STX16: variants seen among roughly 807,000 people sequenced by gnomAD.
The protein encoded by STX16 is syntaxin 16, also known as syntaxin-16.
STX16 carries 28 observed loss-of-function variants against 42.7 expected under a neutral mutation model. The observed-to-expected ratio is 0.66, with a 90% CI of 0.49 to 0.90. STX16 has a LOEUF of 0.90. STX16 is among the 40% of genes least tolerant of loss of function. The probability of loss-of-function intolerance (pLI) is 0.00; values close to 1 mark genes in which losing one functional copy is unlikely to be tolerated. For missense variants in STX16, 361 were observed against 420.9 expected (o/e 0.86, Z 1.24); for synonymous variants, 156 against 155.2 (o/e 1.00, Z -0.04).
intron 2 of STX16, among the ~76,000 whole-genome samples, chr20:58,665,256 T>A (rs2083794464): frequency 6.6e-6 from 1 of 152,230 alleles, no homozygotes. Context: ...GAGAGGATGA[T>A]CTTTACTGAC....
intron 6 of STX16, 45 bp from the exon 7 acceptor site, chr20:58,671,109 A>G (rs1051444442): frequency 6.5e-7 from 1 of 1,546,604 alleles, no homozygotes; most frequent in South Asian, 1.2e-5. Context: ...AGCTTTCCTG[A>G]GAGGGAAAAC....
At chr20:58,671,890 T>C (rs2083986429) in intron 7 of STX16, among the ~76,000 whole-genome samples, 1 of 152,140 alleles carries the variant, frequency 6.6e-6, no homozygotes, top group African/African-American at 2.4e-5. Flanking sequence ...TATATATACA[T>C]AGCAATCCTA....
rs932317319 is a variant in STX16 at position 58,667,566 on chromosome 20, C to T, written c.221C>T (p.Pro74Leu). Residue 74 changes from proline to leucine, a missense_variant, in exon 3 of 9, where the codon CCA becomes CTA. Pro to Leu is a moderately conservative substitution (Grantham distance 98). Transcript: ENST00000371141. ...GCAGCGATTGGTGTGACAAAACGGC[C>T]ACCTCCTAAGTGGGTGGATGGAGTG... ...PEAAIGVTKR[P>L]PPKWVDGVDE... The T allele has an allele frequency of 3.7e-6, 6 of 1,614,126 alleles. No homozygotes were observed. Among genetic ancestry groups the T allele is most frequent in the Non-Finnish European group, 5.1e-6 (6 of 1,180,034 alleles).
At chr20:58,673,153 C>T (rs1568829445) in intron 7 of STX16, among the ~76,000 whole-genome samples, 2 of 152,146 alleles carry the variant, frequency 1.3e-5, no homozygotes, top group Non-Finnish European at 2.9e-5. Context: ...CCTGCTCTGA[C>T]CCATAGAGAT....
chr20:58,659,661 GT>G (rs754201447), intron 2 of STX16, 27 bp downstream of exon 2: 1 of 1,611,012 alleles, frequency 6.2e-7, no homozygotes. Context: ...ATTTTTATAT[GT>G]TGGGTAATTT....
At chr20:58,652,761 C>T (rs975570463) in intron 1 of STX16, among the ~76,000 whole-genome samples, 1 of 152,128 alleles carries the variant, frequency 6.6e-6, no homozygotes, top group African/African-American at 2.4e-5. Flanking sequence ...CTAGCCTCTT[C>T]ACTTTCCATT....
intron 7 of STX16, among the ~76,000 whole-genome samples, chr20:58,671,687 C>T (rs1009406881): frequency 3.9e-5 from 6 of 151,990 alleles, no homozygotes; most frequent in Non-Finnish European, 7.4e-5. Context: ...CCCTCTGACT[C>T]TAGTGTTCTC....
intron 2 of STX16, among the ~76,000 whole-genome samples, chr20:58,663,920 C>T (rs2083758763): frequency 1.3e-5 from 2 of 152,172 alleles, no homozygotes; most frequent in Admixed American, 6.5e-5. Context: ...TCAGGCAATC[C>T]GCCTGCCTCA....
In STX16 at chr20:58,670,601, C is replaced by G. The variant is rs770123369; in HGVS notation, c.646C>G (p.Arg216Gly). Reference protein sequence around the residue: ...DDGDDNTLYHRGFTEDQLVLV... With the variant: ...DDGDDNTLYHGGFTEDQLVLV... ...TGGAGACGATAACACTCTTTACCAT[C>G]GGGTACGTGAACGGGCTGCAAAGCT... The change falls in exon 6 of 9, where the codon CGG (arginine) becomes GGG (glycine). Residue 216 changes from arginine to glycine, a missense_variant and splice_region_variant. By Grantham distance (125) the Arg-to-Gly change is moderately radical (BLOSUM62 -2). Coordinates refer to ENST00000371141, the MANE Select transcript of STX16 (RefSeq NM_001001433.3). The G allele has an allele frequency of 4.3e-6, 7 of 1,613,670 alleles. No homozygotes were observed. Among genetic ancestry groups the G allele is most frequent in the Non-Finnish European group, 5.9e-6 (7 of 1,179,612 alleles).
In STX16 at chr20:58,669,281, G is replaced by C; in HGVS notation, c.394-10G>C. 6.2e-7 allele frequency: 1 copy of C among 1,609,298 alleles called. No homozygotes were observed. Among genetic ancestry groups the C allele is most frequent in the Non-Finnish European group, 8.5e-7 (1 of 1,179,532 alleles). ...CAGGCTTGCCCTGAGCCTCGGGCTT[G>C]TTCTCTTAGCTCTTCCACAGGTGCC... On this transcript the variant is annotated splice_polypyrimidine_tract_variant and intron_variant, in intron 4 of 8. Coordinates refer to ENST00000371141, the MANE Select transcript of STX16 (RefSeq NM_001001433.3).
chr20:58,668,137 G>A lies in STX16; in HGVS notation c.393+10G>A, dbSNP rs1268646842. On this transcript the variant is annotated intron_variant, in intron 4 of 8. Transcript: ENST00000371141. ...CCAAGAGATCACTCAGGTGAGGAGT[G>A]CAAGTGAGTCCTGGGGAAACCAGCG... 1.9e-6 allele frequency: 3 copies of A among 1,613,952 alleles called. No homozygotes were observed. In the African/African-American group the frequency reaches 4.0e-5, roughly 22 times the overall value.
intron 2 of STX16, among the ~76,000 whole-genome samples, chr20:58,662,633 C>T (rs1476531079): frequency 6.6e-6 from 1 of 152,176 alleles, no homozygotes; most frequent in Non-Finnish European, 1.5e-5. Context: ...GCCTCAGCCT[C>T]CTGAGTAGCT....
chr20:58,675,254 C>T (rs2084081210), intron 8 of STX16, among the ~76,000 whole-genome samples: 1 of 152,182 alleles, frequency 6.6e-6, no homozygotes, highest in Non-Finnish European at 1.5e-5. Flanking sequence ...ACAAGCCCAC[C>T]GCGGGGGATG....
At chr20:58,653,489 C>A (rs1178324688) in intron 1 of STX16, among the ~76,000 whole-genome samples, 1 of 152,048 alleles carries the variant, frequency 6.6e-6, no homozygotes, top group Non-Finnish European at 1.5e-5. Flanking sequence ...TGTGAGATTT[C>A]AGTTAATTAA....
At chr20:58,664,726 T>G (rs2083776558) in intron 2 of STX16, among the ~76,000 whole-genome samples, 1 of 152,246 alleles carries the variant, frequency 6.6e-6, no homozygotes, top group Non-Finnish European at 1.5e-5. Context: ...GATAAAATGA[T>G]ACTAATCCCA....
Position 58,668,119 on chromosome 20 carries a change from A to T in STX16, c.385A>T (p.Ile129Phe). The T allele has an allele frequency of 6.2e-7, 1 of 1,614,256 alleles. No individual in the cohort carries two copies. Among genetic ancestry groups the T allele is most frequent in the Non-Finnish European group, 8.5e-7 (1 of 1,180,040 alleles). ...EHAIEITTQE[I>F]TQLFHRCQRA... ...TGCCATTGAGATAACTACCCAAGAG[A>T]TCACTCAGGTGAGGAGTGCAAGTGA... Residue 129 changes from isoleucine to phenylalanine, a missense_variant, in exon 4 of 9, where the codon ATC becomes TTC. Physicochemically the swap from Ile to Phe is conservative, Grantham distance 21. Transcript: ENST00000371141.
chr20:58,660,452 A>T (rs1334501996), intron 2 of STX16, among the ~76,000 whole-genome samples: 1 of 152,146 alleles, frequency 6.6e-6, no homozygotes, highest in Non-Finnish European at 1.5e-5. Context: ...TGTCCTTAAA[A>T]CCAGTGGGGT....
chr20:58,655,029 C>T (rs562074930), intron 1 of STX16, among the ~76,000 whole-genome samples: 1 of 152,236 alleles, frequency 6.6e-6, no homozygotes, highest in Admixed American at 6.5e-5. Context: ...TTTGTAAATA[C>T]ATGTCTAACA....
intron 1 of STX16, among the ~76,000 whole-genome samples, chr20:58,655,445 T>C (rs1201358466): frequency 6.6e-6 from 1 of 152,160 alleles, no homozygotes; most frequent in Admixed American, 6.5e-5. Flanking sequence ...CAGGCAAATA[T>C]GTCAAATAAA....
Sources: allele counts gnomAD v4.1 joint callset (sites outside exome capture counted in the v4.1 genomes callset), GRCh38; gene constraint gnomAD v4.1.1; transcripts MANE v1.5; gene names NCBI Gene and HGNC (gene_info 2026-07-23, HGNC 2026-07-21).